The following CRISP1 variants were observed in gnomAD, a reference collection of about 807,000 sequenced individuals.
CRISP1 encodes the protein cysteine rich secretory protein 1.
Under a neutral mutation model 33.1 loss-of-function variants are expected in CRISP1, and 44 were observed. The observed-to-expected ratio is 1.33, with a 90% CI of 1.05 to 1.71. The LOEUF (loss-of-function observed/expected upper bound fraction) is 1.71, where lower values mean the gene tolerates loss of function less well. Ranked by LOEUF, CRISP1 falls within the 40% of genes most tolerant of loss-of-function variation. The pLI, the probability that CRISP1 is intolerant of heterozygous loss-of-function variation, is 0.00. For synonymous variants in CRISP1, 103 were observed against 98.7 expected (o/e 1.04, Z -0.26); for missense variants, 390 against 301.2 (o/e 1.29, Z -2.18).
In CRISP1 at chr6:49,835,163, C is replaced by T. The variant is rs983994131; in HGVS notation, c.*153G>A. 6 of 726,596 alleles carry T rather than the reference C, an allele frequency of 8.3e-6. No individual in the cohort carries two copies. In the African/African-American group the frequency reaches 1.1e-4, roughly 13 times the overall value. 45.0% of individuals were successfully genotyped at this position (726,596 alleles called of 1,614,324 possible). ...ACTAAGAAAGTTTAAAACAGTGTTACTTCAGGATGTATCAGGATGGGAGTT... is the reference window on the plus strand; with the variant it reads ...ACTAAGAAAGTTTAAAACAGTGTTATTTCAGGATGTATCAGGATGGGAGTT... On this transcript the variant is annotated 3_prime_UTR_variant, in exon 8 of 8. Transcript: ENST00000335847.
chr6:49,871,242 G>C (rs573444483), upstream of CRISP1, among the ~76,000 whole-genome samples: 1 of 151,982 alleles, frequency 6.6e-6, no homozygotes, highest in African/African-American at 2.4e-5. Flanking sequence ...TGCCAGGTGA[G>C]ATATAAGATG....
At chr6:49,863,128 A>T (rs1771699782) in intron 1 of CRISP1, among the ~76,000 whole-genome samples, 1 of 152,160 alleles carries the variant, frequency 6.6e-6, no homozygotes, top group Non-Finnish European at 1.5e-5. Context: ...CTGCTGATGT[A>T]AGAAAGATGC....
At chr6:49,846,350 C>T (rs1029003932) in intron 5 of CRISP1, among the ~76,000 whole-genome samples, 170 bp downstream of exon 5, 25 of 151,982 alleles carry the variant, frequency 1.6e-4, no homozygotes, top group African/African-American at 5.8e-4. Flanking sequence ...TTCTCTAAGT[C>T]GTATTTTGAA....
intron 1 of CRISP1, among the ~76,000 whole-genome samples, chr6:49,874,709 G>A (rs1018508709): frequency 2.6e-5 from 4 of 152,028 alleles, no homozygotes; most frequent in Non-Finnish European, 4.4e-5. Flanking sequence ...TATCCACCAC[G>A]ATCAAGCTGC....
intron 1 of CRISP1, among the ~76,000 whole-genome samples, chr6:49,864,598 CTATTA>C (rs2127478063): frequency 6.6e-6 from 1 of 152,106 alleles, no homozygotes; most frequent in East Asian, 1.9e-4. Context: ...CAATTTTAAT[CTATTA>C]TGTTTGTGTA....
intron 7 of CRISP1, among the ~76,000 whole-genome samples, chr6:49,836,344 T>A (rs1484023747): frequency 1.3e-5 from 2 of 149,916 alleles, no homozygotes; most frequent in Admixed American, 6.6e-5. Context: ...TATTTTATTT[T>A]TTTTTTTTTG....
At chr6:49,855,662 A>G (rs1357357130) in intron 2 of CRISP1, among the ~76,000 whole-genome samples, 3 of 152,148 alleles carry the variant, frequency 2.0e-5, no homozygotes, top group Admixed American at 6.6e-5. Context: ...CCTCAAAAAA[A>G]CTTTTTGTGT....
At chr6:49,850,766 A>C (rs941090962) in intron 3 of CRISP1, among the ~76,000 whole-genome samples, 1 of 151,966 alleles carries the variant, frequency 6.6e-6, no homozygotes, top group African/African-American at 2.4e-5. Context: ...TTTGCCTTTC[A>C]TCTCCAATCT....
chr6:49,868,172 A>T (rs1046620285), upstream of CRISP1, among the ~76,000 whole-genome samples: 1 of 152,158 alleles, frequency 6.6e-6, no homozygotes, highest in South Asian at 2.1e-4. Context: ...TGGTTTTAAA[A>T]GAATTTGGGA....
chr6:49,865,637 G>A (rs974846001), intron 1 of CRISP1, among the ~76,000 whole-genome samples: 1 of 152,132 alleles, frequency 6.6e-6, no homozygotes, highest in African/African-American at 2.4e-5. Flanking sequence ...CAGTTTTGGA[G>A]AGAATAATTC....
At chr6:49,850,084 T>C (rs1188931782) in intron 3 of CRISP1, among the ~76,000 whole-genome samples, 2 of 112,584 alleles carry the variant, frequency 1.8e-5, no homozygotes, top group African/African-American at 3.5e-5. Flanking sequence ...AACATCACAC[T>C]CTGGGGACAG....
At position 49,876,120 on chromosome 6, in the gene CRISP1, A is replaced by G. The variant is rs974589764; in HGVS notation, c.-3+889T>C. ...CAGAGTGAATAGTCTACAGAATGGGAGAAAATTTTTTCGGTCTATTCATCT... is the reference window on the plus strand; with the variant it reads ...CAGAGTGAATAGTCTACAGAATGGGGGAAAATTTTTTCGGTCTATTCATCT... On this transcript the variant is annotated intron_variant, in intron 1 of 7. Coordinates refer to the CRISP1 transcript ENST00000505118. Among the ~76,000 whole-genome samples, 6 of 152,270 alleles carry G rather than the reference A, an allele frequency of 3.9e-5. 1 individual carries two copies. The highest frequency in any genetic ancestry group is 2.0e-4 in the Admixed American group (3 of 15,284).
chr6:49,863,952 G>A (rs779178726), intron 1 of CRISP1, among the ~76,000 whole-genome samples: 3 of 152,148 alleles, frequency 2.0e-5, no homozygotes, highest in African/African-American at 4.8e-5. Context: ...AGTCTTAAGT[G>A]TATAGTTTGA....
chr6:49,856,032 G>T lies in CRISP1; in HGVS notation c.66+1303C>A, dbSNP rs187116437. 2.0e-3 allele frequency among the ~76,000 whole-genome samples: 298 copies of T among 152,230 alleles called. 1 individual carries two copies. The highest frequency in any genetic ancestry group is 3.1e-3 in the Non-Finnish European group (211 of 68,010). ...TATGAAAATATTCTAATAATTCTCTGTTATAGAGCATCAACCTATTGTTTT... is the reference window on the plus strand; with the variant it reads ...TATGAAAATATTCTAATAATTCTCTTTTATAGAGCATCAACCTATTGTTTT... On this transcript the variant is annotated intron_variant, in intron 2 of 7. Coordinates refer to ENST00000335847, the MANE Select transcript of CRISP1 (RefSeq NM_001131.3).
intron 6 of CRISP1, 23 bp from the exon 7 acceptor site, chr6:49,838,548 C>A (rs1418341735): frequency 6.4e-7 from 1 of 1,564,914 alleles, no homozygotes; most frequent in Non-Finnish European, 8.8e-7. Context: ...AAAGTGATTT[C>A]ATAAAACCCA....
At chr6:49,849,525 T>C (rs2127473374) in intron 3 of CRISP1, among the ~76,000 whole-genome samples, 1 of 152,310 alleles carries the variant, frequency 6.6e-6, no homozygotes, top group African/African-American at 2.4e-5. Flanking sequence ...ATTTTTGTGC[T>C]GCAAGCAACT....
In CRISP1 at chr6:49,848,254, A is replaced by G. The variant is rs1266403807; in HGVS notation, c.241T>C (p.Tyr81His). The G allele has an allele frequency of 1.2e-6, 2 of 1,608,462 alleles. No homozygotes were observed. Among genetic ancestry groups the G allele is most frequent in the Admixed American group, 3.4e-5 (2 of 59,136 alleles). ...AAQNARIFSK[Y>H]CDMTESNPLE... ...GGGTTGCTCTCTGTCATATCACAAT[A>G]CTTTGAAAAAATTCTGGCATTTTGT... Residue 81 changes from tyrosine to histidine, a missense_variant, in exon 4 of 8, where the codon TAT becomes CAT. By Grantham distance (83) the Tyr-to-His change is moderately conservative. Transcript: ENST00000335847.
intron 4 of CRISP1, among the ~76,000 whole-genome samples, chr6:49,847,231 A>T (rs79671908): frequency 0.097 from 14,740 of 152,170 alleles, 998 homozygotes; most frequent in Non-Finnish European, 0.15. Flanking sequence ...CATGTTAATT[A>T]AAAAAAGATT....
chr6:49,869,168 T>C (rs1353453089), upstream of CRISP1, among the ~76,000 whole-genome samples: 2 of 152,174 alleles, frequency 1.3e-5, no homozygotes, highest in African/African-American at 2.4e-5. Context: ...TGGTGCCTCA[T>C]TGATTGCAAT....
Sources: allele counts gnomAD v4.1 joint callset (sites outside exome capture counted in the v4.1 genomes callset), GRCh38; gene constraint gnomAD v4.1.1; transcripts MANE v1.5; gene names NCBI Gene and HGNC (gene_info 2026-07-23, HGNC 2026-07-21).